The following NWD2 variants were observed in gnomAD, a reference collection of about 807,000 sequenced individuals.
The protein encoded by NWD2 is NACHT and WD repeat domain-containing protein 2.
In NWD2, 37 loss-of-function variants were observed where a neutral mutation model predicts 132.7. The observed-to-expected ratio is 0.28, with a 90% CI of 0.21 to 0.37. The LOEUF (loss-of-function observed/expected upper bound fraction) is 0.37. Among genes scored for constraint, NWD2 ranks in the 10% least tolerant of loss-of-function variants. NWD2 has a pLI of 1.00. For missense variants in NWD2, 1,592 were observed against 2,122.4 expected (o/e 0.75, Z 4.91); for synonymous variants, 705 against 803.0 (o/e 0.88, Z 2.06).
At chr4:37,340,542 G>A (rs1409823958) in intron 2 of NWD2, among the ~76,000 whole-genome samples, 1 of 152,180 alleles carries the variant, frequency 6.6e-6, no homozygotes, top group East Asian at 1.9e-4. Flanking sequence ...GACCAGGGTG[G>A]TGCTTGCAGC....
chr4:37,266,157 T>G (rs920358995), intron 1 of NWD2, among the ~76,000 whole-genome samples: 1 of 152,084 alleles, frequency 6.6e-6, no homozygotes, highest in African/African-American at 2.4e-5. Flanking sequence ...TCAAATGCTG[T>G]GTTCTCCATT....
intron 3 of NWD2, among the ~76,000 whole-genome samples, chr4:37,406,010 G>C (rs887984705): frequency 3.9e-5 from 6 of 152,066 alleles, no homozygotes; most frequent in Non-Finnish European, 7.4e-5. Flanking sequence ...TTTCTAAACT[G>C]TTCAGGGTTT....
chr4:37,419,993 C>T (rs1295357457), intron 3 of NWD2, among the ~76,000 whole-genome samples: 3 of 152,166 alleles, frequency 2.0e-5, no homozygotes, highest in Non-Finnish European at 4.4e-5. Context: ...TCTGAGAGTG[C>T]CTGTTTCCTA....
At chr4:37,344,206 T>G (rs1719585803) in intron 2 of NWD2, among the ~76,000 whole-genome samples, 1 of 152,244 alleles carries the variant, frequency 6.6e-6, no homozygotes, top group Non-Finnish European at 1.5e-5. Context: ...GAGCACTTTA[T>G]GTTCCAAGTG....
chr4:37,427,068 A>T (rs1428350775), intron 3 of NWD2, among the ~76,000 whole-genome samples: 1 of 151,364 alleles, frequency 6.6e-6, no homozygotes, highest in Non-Finnish European at 1.5e-5. Flanking sequence ...TCCAAGACCT[A>T]ATTGGCTACT....
intron 1 of NWD2, among the ~76,000 whole-genome samples, chr4:37,264,099 G>A (rs933350259): frequency 1.3e-5 from 2 of 152,164 alleles, no homozygotes; most frequent in Non-Finnish European, 2.9e-5. Flanking sequence ...TCAGAGGAGA[G>A]TTTTGGACCC....
intron 3 of NWD2, among the ~76,000 whole-genome samples, chr4:37,422,423 T>A (rs1436647858): frequency 6.6e-6 from 1 of 152,224 alleles, no homozygotes; most frequent in Non-Finnish European, 1.5e-5. Context: ...TTTGTACTTA[T>A]CTGACCACAC....
Position 37,378,785 on chromosome 4 carries a change from TCAA to T in NWD2, c.357+22309_357+22311del, listed in dbSNP as rs371857438. 1.8e-3 allele frequency among the ~76,000 whole-genome samples: 276 copies of T among 152,336 alleles called. 1 individual carries two copies. Among genetic ancestry groups the T allele is most frequent in the African/African-American group, 6.4e-3 (266 of 41,586 alleles). On this transcript the variant is annotated intron_variant, in intron 3 of 6. Coordinates refer to ENST00000309447, the MANE Select transcript of NWD2 (RefSeq NM_001144990.2). The stretch of plus-strand genomic sequence containing the variant: ...TTAGGCTTTTTCTGTAATGCTGGGC[TCAA>T]CAACAGATTTCTTTAAAAATGGAGA...
chr4:37,406,931 G>A (rs2109317593), intron 3 of NWD2, among the ~76,000 whole-genome samples: 1 of 152,256 alleles, frequency 6.6e-6, no homozygotes, highest in Non-Finnish European at 1.5e-5. Context: ...CATGTCCTTT[G>A]TAGGGACATG....
chr4:37,439,103 C>A lies in NWD2; in HGVS notation c.1009C>A (p.His337Asn), dbSNP rs1009969498. The A allele has an allele frequency of 1.6e-5, 25 of 1,551,684 alleles. No homozygotes were observed. Among genetic ancestry groups the A allele is most frequent in the Non-Finnish European group, 1.9e-5 (22 of 1,147,020 alleles). The change falls in exon 6 of 7, where the codon CAT (histidine) becomes AAT (asparagine). Residue 337 changes from histidine (H) to asparagine (N), a missense_variant. This residue lies in a region of NWD2 where 1,071 missense variants were observed against 1,398.0 expected (regional missense o/e 0.77). Coordinates refer to ENST00000309447, the MANE Select transcript of NWD2 (RefSeq NM_001144990.2). The surrounding 1 kb of genome is among the most constrained non-coding windows in gnomAD (Gnocchi z 4.5). ...AGGCTACTCCCAAGAAATAGAAAAT[C>A]ATTACATCGAAGGACTTGGTAAACA... is the stretch of plus-strand genomic sequence containing the variant. ...KLGYSQEIEN[H>N]YIEGLGKQFY...
At chr4:37,387,409 C>A (rs1720584477) in intron 3 of NWD2, among the ~76,000 whole-genome samples, 2 of 151,958 alleles carry the variant, frequency 1.3e-5, no homozygotes, top group South Asian at 4.1e-4. Flanking sequence ...TGCTTAGTAG[C>A]CATTCGGGGC....
chr4:37,356,414 G>C lies in NWD2; in HGVS notation c.289G>C (p.Glu97Gln). Residue 97 changes from glutamate to glutamine, a missense_variant, in exon 3 of 7, where the codon GAG (glutamate) becomes CAG (glutamine). Glu to Gln is a conservative substitution (Grantham distance 29, BLOSUM62 2). Transcript: ENST00000309447. ...GVEEDEWDSP[E>Q]LQKTRMKLLE... ...GGAAGAAGATGAGTGGGACAGCCCAGAGCTCCAGAAGACCCGCATGAAGCT... is the reference window on the plus strand; with the variant it reads ...GGAAGAAGATGAGTGGGACAGCCCACAGCTCCAGAAGACCCGCATGAAGCT... 6.4e-7 allele frequency: 1 copy of C among 1,551,520 alleles called. No individual in the cohort carries two copies. Among genetic ancestry groups the C allele is most frequent in the Non-Finnish European group, 8.7e-7 (1 of 1,146,862 alleles).
At chr4:37,272,664 T>TCAA (rs1717896439) in intron 1 of NWD2, among the ~76,000 whole-genome samples, 2 of 151,836 alleles carry the variant, frequency 1.3e-5, no homozygotes, top group African/African-American at 4.8e-5. Context: ...CCTTTTGTCT[T>TCAA]AATCGGTTTT....
chr4:37,279,851 G>A (rs1718093119), intron 1 of NWD2, among the ~76,000 whole-genome samples: 1 of 152,170 alleles, frequency 6.6e-6, no homozygotes, highest in Non-Finnish European at 1.5e-5. Flanking sequence ...TTTCTCATAA[G>A]AGAATTCCCT....
chr4:37,446,939 G>A lies in NWD2; in HGVS notation c.4951G>A (p.Ala1651Thr), dbSNP rs1190004094. ...GIYTVVDRVDAALKIKIATSN... is the reference protein window; with the variant it reads ...GIYTVVDRVDTALKIKIATSN... ...CTACACGGTAGTAGACCGTGTAGAT[G>A]CTGCACTGAAAATCAAAATTGCCAC... Residue 1651 changes from alanine (A) to threonine (T), a missense_variant, in exon 7 of 7, where the codon GCT becomes ACT. By Grantham distance (58) the Ala-to-Thr change is moderately conservative (BLOSUM62 0). Around this residue, in one of 7 missense-constraint regions of NWD2, gnomAD observed 257 missense variants for 335.0 expected, o/e 0.77. Transcript: ENST00000309447. The surrounding 1 kb of genome is among the most constrained non-coding windows in gnomAD (Gnocchi z 6.7). The A allele has an allele frequency of 5.2e-6, 8 of 1,551,276 alleles. No homozygotes were observed. The South Asian group carries it at 8.3e-5, about 16-fold the overall frequency.
chr4:37,369,721 A>C (rs1466709511), intron 3 of NWD2, among the ~76,000 whole-genome samples: 4 of 152,208 alleles, frequency 2.6e-5, no homozygotes, highest in Admixed American at 6.5e-5. Flanking sequence ...AAAATGCAAA[A>C]GGTAGAGGGG....
rs1317194522 is a variant in NWD2, at chr4:37,431,028, G to T, written c.561+253G>T. ...GTCAAAAGATAATAGGAGTTGGAGA[G>T]GATGCGAAGAAAAAGGAACCCTGTT... On this transcript the variant is annotated intron_variant, in intron 4 of 6. Transcript: ENST00000309447. Among the ~76,000 whole-genome samples the T allele has an allele frequency of 2.0e-5, 3 of 152,148 alleles. No homozygotes were observed. The East Asian group carries it at 5.8e-4, about 29-fold the overall frequency.
chr4:37,330,794 A>G (rs1719280844), intron 2 of NWD2, among the ~76,000 whole-genome samples: 1 of 151,772 alleles, frequency 6.6e-6, no homozygotes. Context: ...TTTCTGTACA[A>G]TACCACCAGA....
intron 3 of NWD2, among the ~76,000 whole-genome samples, chr4:37,403,270 C>T (rs1276570405): frequency 6.6e-6 from 1 of 152,056 alleles, no homozygotes; most frequent in Non-Finnish European, 1.5e-5. Context: ...ACATGATAAA[C>T]AAGAAAACAA....
Sources: gnomAD v4.1 joint callset for allele counts (sites outside exome capture counted in the v4.1 genomes callset) on GRCh38, gnomAD v4.1.1 for gene constraint, gnomAD v4.1.1 regional missense constraint, Gnocchi (gnomAD v3.1) non-coding constraint, MANE v1.5 for transcripts, NCBI Gene and HGNC (gene_info 2026-07-23, HGNC 2026-07-21) for gene names.